Variants in STAP2 observed in about 807,000 individuals in gnomAD.
STAP2 encodes signal-transducing adaptor protein 2.
STAP2 carries 58 observed loss-of-function variants against 52.7 expected under a neutral mutation model. The ratio of observed to expected loss-of-function variants is 1.10; its 90% CI spans 0.89 to 1.37. The LOEUF is 1.37. Among genes scored for constraint, STAP2 ranks in the 40% most tolerant of loss-of-function variants. The pLI, the probability that STAP2 is intolerant of heterozygous loss-of-function variation, is 0.00. For missense variants in STAP2, 522 were observed against 519.4 expected (o/e 1.00, Z -0.05); for synonymous variants, 231 against 210.5 (o/e 1.10, Z -0.84).
chr19:4,337,566 G>T (rs980166386), intron 1 of STAP2, among the ~76,000 whole-genome samples: 1 of 144,528 alleles, frequency 6.9e-6, no homozygotes, highest in Admixed American at 6.9e-5. Flanking sequence ...AAAAAAAAAG[G>T]CTGGGTGCGG....
rs1971934199 is a variant in STAP2, at chr19:4,334,007, G to A, written c.140C>T (p.Thr47Ile). 6.2e-7 allele frequency: 1 copy of A among 1,613,450 alleles called. No homozygotes were observed. Among genetic ancestry groups the A allele is most frequent in the Non-Finnish European group, 8.5e-7 (1 of 1,179,720 alleles). The part of the protein sequence containing the change: ...KKFWAGLQGL[T>I]IYFYNSNRDF... ...CCGATTGCTATTGTAGAAATAAATGGTGAGACCCTGCAGGCCTGCCCAGAA... is the reference window on the plus strand; with the variant it reads ...CCGATTGCTATTGTAGAAATAAATGATGAGACCCTGCAGGCCTGCCCAGAA... Residue 47 changes from threonine (T) to isoleucine (I), a missense_variant, in exon 2 of 13, where the codon ACC (threonine) becomes ATC (isoleucine). Transcript: ENST00000594605.
chr19:4,333,276 C>T (rs551475876), intron 3 of STAP2, among the ~76,000 whole-genome samples: 1 of 152,282 alleles, frequency 6.6e-6, no homozygotes, highest in South Asian at 2.1e-4. Context: ...GGGTGGATCA[C>T]CTGAGGTGAG....
At chr19:4,332,760 C>T (rs113941042) in intron 3 of STAP2, among the ~76,000 whole-genome samples, 2,990 of 151,964 alleles carry the variant, frequency 0.02, 103 homozygotes, top group African/African-American at 0.068. Context: ...CCCGGGAGGT[C>T]GAGGCTGCAG....
intron 1 of STAP2, among the ~76,000 whole-genome samples, chr19:4,337,285 G>A (rs1971995195): frequency 1.3e-5 from 2 of 149,566 alleles, no homozygotes; most frequent in African/African-American, 4.9e-5. Flanking sequence ...AGGCTGGAGT[G>A]CAGTGGCACG....
At position 4,325,225 on chromosome 19, in the gene STAP2, G is replaced by C; in HGVS notation, c.1063C>G (p.Pro355Ala). The C allele has an allele frequency of 2.5e-6, 4 of 1,589,132 alleles. No individual in the cohort carries two copies. Among genetic ancestry groups the C allele is most frequent in the Non-Finnish European group, 3.4e-6 (4 of 1,167,588 alleles). The change falls in exon 11 of 13, where the codon CCC becomes GCC. Residue 355 changes from proline (P) to alanine (A), a missense_variant. By Grantham distance (27) the Pro-to-Ala change is conservative (BLOSUM62 -1). Transcript: ENST00000594605. ...PAKLPKPPVG[P>A]KPEPKVFNGG... is the part of the protein sequence containing the mutation. ...TGGGGGGGACCCCAACCTGGCTTGG[G>C]TCCAACGGGTGGCTTTGGAAGCTTG...
Position 4,328,655 on chromosome 19 carries a change from C to T in STAP2, c.590+20G>A. 3 of 1,577,112 alleles carry T rather than the reference C, an allele frequency of 1.9e-6. No homozygotes were observed. Among genetic ancestry groups the T allele is most frequent in the East Asian group, 2.3e-5 (1 of 43,282 alleles). On this transcript the variant is annotated intron_variant, in intron 6 of 12. Transcript: ENST00000594605. Reference sequence around the variant, plus strand: ...TCCCACCCTCCTCCCACCCAGGGCTCTCCAGACGCGCATGCGCACCCGTTG... The same window carrying T: ...TCCCACCCTCCTCCCACCCAGGGCTTTCCAGACGCGCATGCGCACCCGTTG...
intron 4 of STAP2, among the ~76,000 whole-genome samples, chr19:4,331,821 A>G (rs1971895506): frequency 6.6e-6 from 1 of 150,766 alleles, no homozygotes; most frequent in South Asian, 2.1e-4. Flanking sequence ...AATCCCAGCT[A>G]CTCCGGAGGC....
chr19:4,331,624 T>A (rs7257674), intron 4 of STAP2, among the ~76,000 whole-genome samples: 15,231 of 141,938 alleles, frequency 0.11, 1,389 homozygotes, highest in African/African-American at 0.27. Flanking sequence ...AGTGAGACTC[T>A]GTCTCAAAAA....
At position 4,330,059 on chromosome 19, in the gene STAP2, G is replaced by C; in HGVS notation, c.357C>G (p.Leu119=). Reference sequence around the variant, plus strand: ...GCAGGGTCAAGTCGGTCGGGACACGGAGCTGAGGGGCGATCGAGGGACAGT... The same window carrying C: ...GCAGGGTCAAGTCGGTCGGGACACGCAGCTGAGGGGCGATCGAGGGACAGT... ...WKGFILTVVE[L]RVPTDLTLLP... The change falls in exon 5 of 13, where the codon CTC becomes CTG. Residue 119 remains leucine (L), a splice_region_variant and synonymous_variant. Coordinates refer to ENST00000594605, the MANE Select transcript of STAP2 (RefSeq NM_001013841.2). 1 of 1,613,274 alleles carries C rather than the reference G, an allele frequency of 6.2e-7. No homozygotes were observed. Among genetic ancestry groups the C allele is most frequent in the East Asian group, 2.2e-5 (1 of 44,874 alleles).
chr19:4,334,434 G>A (rs536256996), intron 1 of STAP2, among the ~76,000 whole-genome samples: 3 of 150,602 alleles, frequency 2.0e-5, no homozygotes, highest in South Asian at 4.2e-4. Flanking sequence ...CTGTCCATCC[G>A]CCCACCCACC....
chr19:4,333,866 GC>G (rs1568388180), intron 2 of STAP2, 50 bp from the exon 3 acceptor site: 1 of 1,613,050 alleles, frequency 6.2e-7, no homozygotes, highest in Non-Finnish European at 8.5e-7. Context: ...TGGCCTCCAG[GC>G]CCCCTGGATG....
rs1971804969 is a variant in STAP2, at chr19:4,327,062, C to T, written c.764-55G>A. On this transcript the variant is annotated intron_variant, in intron 8 of 12. Coordinates refer to ENST00000594605, the MANE Select transcript of STAP2 (RefSeq NM_001013841.2). ...CGCGGCGGCCAGGGGCGGCCCGGTCCGTCCGAGCGGGGGCGGGAGAGGTGA... is the reference window on the plus strand; with the variant it reads ...CGCGGCGGCCAGGGGCGGCCCGGTCTGTCCGAGCGGGGGCGGGAGAGGTGA... 6.8e-6 allele frequency: 11 copies of T among 1,605,960 alleles called. No individual in the cohort carries two copies. The South Asian group carries it at 1.2e-4, about 18-fold the overall frequency.
chr19:4,332,294 ACCTC>A (rs953555052), intron 3 of STAP2, among the ~76,000 whole-genome samples: 26 of 122,526 alleles, frequency 2.1e-4, no homozygotes, highest in African/African-American at 8.2e-4. Flanking sequence ...TGCAACCTCC[ACCTC>A]CCAGGTTCAA....
intron 6 of STAP2, among the ~76,000 whole-genome samples, chr19:4,327,633 C>G (rs565933265): frequency 6.6e-6 from 1 of 152,270 alleles, no homozygotes; most frequent in African/African-American, 2.4e-5. Context: ...CCGACCCACC[C>G]CCACAGAAGA....
Position 4,327,351 on chromosome 19 carries a change from C to T in STAP2, c.625G>A (p.Glu209Lys). 1.2e-6 allele frequency: 2 copies of T among 1,614,134 alleles called. No homozygotes were observed. The highest frequency in any genetic ancestry group is 1.7e-6 in the Non-Finnish European group (2 of 1,179,992). ...ACATCGATCACGTACTTGGGGCCCT[C>T]CCGCTTCACCTTGTAATGCCGGACC... ...HVVRHYKVKR[E>K]GPKYVIDVEQ... The change falls in exon 7 of 13, where the codon GAG becomes AAG. Residue 209 changes from glutamate (E) to lysine (K), a missense_variant. Physicochemically the swap from Glu to Lys is moderately conservative, Grantham distance 56 (BLOSUM62 1). Coordinates refer to ENST00000594605, the MANE Select transcript of STAP2 (RefSeq NM_001013841.2).
In STAP2 at chr19:4,338,817, C is replaced by G. The variant is rs1239297735; in HGVS notation, c.-64G>C. The G allele has an allele frequency of 1.9e-6, 3 of 1,563,348 alleles. No homozygotes were observed. Among genetic ancestry groups the G allele is most frequent in the Non-Finnish European group, 2.6e-6 (3 of 1,149,972 alleles). On this transcript the variant is annotated 5_prime_UTR_variant, in exon 1 of 13. Coordinates refer to ENST00000594605, the MANE Select transcript of STAP2 (RefSeq NM_001013841.2). ...TGGGTGCCCCAGCTGGGCCGGGAAG[C>G]TGAGAAACAGGTTTCAGGGGAGTTT...
In STAP2 at chr19:4,328,675, C is replaced by G; in HGVS notation, c.590G>C (p.Gly197Ala). The G allele has an allele frequency of 1.3e-6, 2 of 1,597,002 alleles. No homozygotes were observed. The highest frequency in any genetic ancestry group is 2.2e-5 in the South Asian group (2 of 89,034). The change falls in exon 6 of 13, where the codon GGG becomes GCG. Residue 197 changes from glycine to alanine, a missense_variant and splice_region_variant. By Grantham distance (60) the Gly-to-Ala change is moderately conservative. Coordinates refer to ENST00000594605, the MANE Select transcript of STAP2 (RefSeq NM_001013841.2). ...VSVTTRQMHNGTHVVRHYKVK... is the reference protein window; with the variant it reads ...VSVTTRQMHNATHVVRHYKVK... ...GGGCTCTCCAGACGCGCATGCGCAC[C>G]CGTTGTGCATCTGCCGCGTGGTGAC...
rs1971811547 is a variant in STAP2 at position 4,327,358 on chromosome 19, C to T, written c.618G>A (p.Val206=). 1 of 1,614,008 alleles carries T rather than the reference C, an allele frequency of 6.2e-7. No homozygotes were observed. Among genetic ancestry groups the T allele is most frequent in the Admixed American group, 1.7e-5 (1 of 60,000 alleles). Reference sequence around the variant, plus strand: ...TCACGTACTTGGGGCCCTCCCGCTTCACCTTGTAATGCCGGACCACGTGCG... The same window carrying T: ...TCACGTACTTGGGGCCCTCCCGCTTTACCTTGTAATGCCGGACCACGTGCG... The part of the protein sequence containing the change: ...NGTHVVRHYK[V]KREGPKYVID... Residue 206 remains valine, a synonymous_variant, in exon 7 of 13, where the codon GTG becomes GTA. Coordinates refer to ENST00000594605, the MANE Select transcript of STAP2 (RefSeq NM_001013841.2).
chr19:4,333,945 G>T, intron 2 of STAP2, 28 bp downstream of exon 2: 1 of 1,611,656 alleles, frequency 6.2e-7, no homozygotes, highest in Non-Finnish European at 8.5e-7. Flanking sequence ...GGGAAGGCCT[G>T]CTCTGGAGCC....
Sources: gnomAD v4.1 joint callset for allele counts (sites outside exome capture counted in the v4.1 genomes callset) on GRCh38, gnomAD v4.1.1 for gene constraint, MANE v1.5 for transcripts, NCBI Gene and HGNC (gene_info 2026-07-23, HGNC 2026-07-21) for gene names.